The following EXOC2 variants were observed in gnomAD, a reference collection of about 807,000 sequenced individuals.
The protein encoded by EXOC2 is SEC5-like 1.
In EXOC2, 70 loss-of-function variants were observed where a neutral mutation model predicts 131.8. That is an observed-to-expected ratio of 0.53 (90% CI 0.44 to 0.65). The LOEUF is 0.65. EXOC2 is among the 30% of genes least tolerant of loss of function. The pLI is 0.00. For synonymous variants in EXOC2, 411 were observed against 398.4 expected (o/e 1.03, Z -0.38); for missense variants, 923 against 1,108.6 (o/e 0.83, Z 2.38).
intron 25 of EXOC2, 95 bp from the exon 26 acceptor site, chr6:491,281 T>C: frequency 7.8e-7 from 1 of 1,277,154 alleles, no homozygotes; most frequent in Non-Finnish European, 1.1e-6. Context: ...CTGCTCATCG[T>C]AGGATGGGGT....
chr6:582,192 T>C (rs1758943796), intron 11 of EXOC2, among the ~76,000 whole-genome samples: 1 of 152,154 alleles, frequency 6.6e-6, no homozygotes, highest in Non-Finnish European at 1.5e-5. Context: ...ATCAGTCAAA[T>C]CCTTTCCACT....
intron 7 of EXOC2, among the ~76,000 whole-genome samples, chr6:605,341 C>T (rs11757796): frequency 1.9e-4 from 29 of 152,272 alleles, no homozygotes; most frequent in Admixed American, 1.0e-3. Context: ...TTGTTGGTTA[C>T]GAATGAATAA....
At chr6:603,175 C>T (rs1272619896) in intron 7 of EXOC2, among the ~76,000 whole-genome samples, 1 of 152,182 alleles carries the variant, frequency 6.6e-6, no homozygotes, top group Admixed American at 6.5e-5. Flanking sequence ...AACGCCCCCT[C>T]ACCTGCTACC....
chr6:545,003 C>T lies in EXOC2; in HGVS notation c.2238+4172G>A, dbSNP rs1170350402. Among the ~76,000 whole-genome samples, 6 of 151,352 alleles carry T rather than the reference C, an allele frequency of 4.0e-5. No homozygotes were observed. The South Asian group carries it at 8.4e-4, about 21-fold the overall frequency. ...TCTACTAAAAATACAAAAAATTAGC[C>T]GGGCGCAGTGGCGGGTGCCTGTAGT... On this transcript the variant is annotated intron_variant, in intron 22 of 27. Transcript: ENST00000230449.
chr6:556,385 G>A, intron 18 of EXOC2, 99 bp downstream of exon 18: 2 of 1,204,830 alleles, frequency 1.7e-6, no homozygotes, highest in African/African-American at 1.5e-5. Flanking sequence ...CAGGCGAAGA[G>A]GGAGAAAAGA....
At position 597,152 on chromosome 6, in the gene EXOC2, G is replaced by A. The variant is rs73371958; in HGVS notation, c.1073+869C>T. 3.8e-3 allele frequency among the ~76,000 whole-genome samples: 573 copies of A among 152,196 alleles called. 3 individuals are homozygous for A. Among genetic ancestry groups the A allele is most frequent in the African/African-American group, 0.013 (550 of 41,520 alleles). ...CTAAGGCCTTCTCTTCATATCCTGT[G>A]AAATTCACCTCTCTTAATATCACTG... On this transcript the variant is annotated intron_variant, in intron 10 of 27. Coordinates refer to ENST00000230449, the MANE Select transcript of EXOC2 (RefSeq NM_018303.6).
At chr6:572,829 C>A (rs918568316) in intron 12 of EXOC2, among the ~76,000 whole-genome samples, 185 bp from the exon 13 acceptor site, 5 of 152,340 alleles carry the variant, frequency 3.3e-5, no homozygotes, top group Middle Eastern at 3.4e-3. Flanking sequence ...TCACCAGACA[C>A]CCCCGCATTT....
intron 11 of EXOC2, among the ~76,000 whole-genome samples, chr6:579,771 A>C (rs925920551): frequency 4.6e-5 from 7 of 152,202 alleles, no homozygotes; most frequent in East Asian, 3.8e-4. Context: ...TGTCAAAAAA[A>C]AAACAAACAA....
chr6:621,752 G>T (rs765277986), intron 4 of EXOC2, among the ~76,000 whole-genome samples: 1 of 152,148 alleles, frequency 6.6e-6, no homozygotes, highest in Non-Finnish European at 1.5e-5. Context: ...ATTACTTGCT[G>T]GTCCTTTTCA....
intron 13 of EXOC2, among the ~76,000 whole-genome samples, chr6:568,322 G>A (rs1196979376): frequency 2.6e-5 from 4 of 152,238 alleles, no homozygotes; most frequent in Non-Finnish European, 5.9e-5. Flanking sequence ...CACTCCTCCT[G>A]TCTGACTGCC....
intron 1 of EXOC2, among the ~76,000 whole-genome samples, chr6:665,310 A>T (rs2127766788): frequency 6.8e-6 from 1 of 148,130 alleles, no homozygotes; most frequent in African/African-American, 2.5e-5. Context: ...TGCGGTGAAC[A>T]GGGAACACTT....
At chr6:501,121 A>ATATAT (rs1554117196) in intron 23 of EXOC2, among the ~76,000 whole-genome samples, 1 of 66,258 alleles carries the variant, frequency 1.5e-5, no homozygotes, top group Non-Finnish European at 2.9e-5. Flanking sequence ...ATATATATCT[A>ATATAT]TATATATTAT....
intron 10 of EXOC2, among the ~76,000 whole-genome samples, chr6:597,439 T>C (rs1279156143): frequency 6.6e-6 from 1 of 152,188 alleles, no homozygotes; most frequent in Admixed American, 6.5e-5. Flanking sequence ...CCTCCCAAAG[T>C]GCTGTGCTGG....
chr6:599,127 TA>T lies in EXOC2; in HGVS notation c.840del (p.Phe280LeufsTer9). The T allele has an allele frequency of 2.5e-6, 4 of 1,613,172 alleles. No individual in the cohort carries two copies. Among genetic ancestry groups the T allele is most frequent in the Non-Finnish European group, 2.5e-6 (3 of 1,179,524 alleles). On this transcript the variant is annotated frameshift_variant, in exon 8 of 28. Coordinates refer to ENST00000230449, the MANE Select transcript of EXOC2 (RefSeq NM_018303.6). LOFTEE classifies it high-confidence loss of function. ...TTTAGAGGAAGGTTGAAAAGAAACT[TA>T]AATCGCTGAAGCACATTGAGTGCAT... is the stretch of plus-strand genomic sequence containing the variant. ...TRNALNVLQR[F>X]KFLFNLPLNI...
intron 10 of EXOC2, among the ~76,000 whole-genome samples, chr6:597,269 C>T (rs1186282942): frequency 6.6e-6 from 1 of 151,416 alleles, no homozygotes; most frequent in East Asian, 1.9e-4. Context: ...CTCTGCCTCC[C>T]GGGTTCAAGC....
chr6:489,203 G>GA (rs1763277620), intron 26 of EXOC2, among the ~76,000 whole-genome samples, 165 bp from the exon 27 acceptor site: 1 of 152,190 alleles, frequency 6.6e-6, no homozygotes, highest in East Asian at 1.9e-4. Context: ...AAGTAAAAGC[G>GA]AAGGTGTAGC....
At chr6:564,790 T>C in intron 14 of EXOC2, 74 bp downstream of exon 14, 1 of 1,582,680 alleles carries the variant, frequency 6.3e-7, no homozygotes, top group Non-Finnish European at 8.6e-7. Context: ...CAGTAATGGA[T>C]GTCTTGAATA....
intron 3 of EXOC2, among the ~76,000 whole-genome samples, chr6:631,580 G>A (rs1761860448): frequency 6.6e-6 from 1 of 151,644 alleles, no homozygotes; most frequent in Non-Finnish European, 1.5e-5. Flanking sequence ...CCTTTACTAA[G>A]CCTACTATGT....
intron 4 of EXOC2, among the ~76,000 whole-genome samples, chr6:628,829 A>G (rs917833511): frequency 6.6e-5 from 10 of 152,160 alleles, no homozygotes; most frequent in Non-Finnish European, 1.5e-4. Context: ...AACCTTCTCA[A>G]TCTTTGAACT....
Sources: allele counts gnomAD v4.1 joint callset (sites outside exome capture counted in the v4.1 genomes callset), GRCh38; gene constraint gnomAD v4.1.1; transcripts MANE v1.5; gene names NCBI Gene and HGNC (gene_info 2026-07-23, HGNC 2026-07-21).